The following MTMR10 variants were observed in gnomAD, a reference collection of about 807,000 sequenced individuals.
The protein encoded by MTMR10 is myotubularin-related protein 10.
In MTMR10, 56 loss-of-function variants were observed where a neutral mutation model predicts 88.1. The ratio of observed to expected loss-of-function variants is 0.64; its 90% confidence interval spans 0.51 to 0.79. The LOEUF (loss-of-function observed/expected upper bound fraction) is 0.79, where lower values mean the gene tolerates loss of function less well. MTMR10 is among the 30% of genes least tolerant of loss of function. The probability of loss-of-function intolerance (pLI) is 0.00; values close to 1 mark genes in which losing one functional copy is unlikely to be tolerated. For missense variants in MTMR10, 883 were observed against 924.7 expected (o/e 0.95, Z 0.58); for synonymous variants, 380 against 340.9 (o/e 1.11, Z -1.26).
the MTMR10 span, among the ~76,000 whole-genome samples, chr15:30,933,755 T>C: frequency 5.8e-5 from 8 of 137,978 alleles, no homozygotes; most frequent in Admixed American, 3.6e-4. Context: ...TTTCTTTTCT[T>C]TTTTTTTTTG....
chr15:30,926,675 A>C, the MTMR10 span: 1 of 985,398 alleles, frequency 1.0e-6, no homozygotes, highest in South Asian at 4.7e-5. Flanking sequence ...GTAGGCCTGA[A>C]ATGGTTAGAA....
At chr15:30,988,811 A>T (rs1360833618) in intron 2 of MTMR10, among the ~76,000 whole-genome samples, 3 of 152,070 alleles carry the variant, frequency 2.0e-5, no homozygotes, top group Non-Finnish European at 4.4e-5. Context: ...CAACATGGAG[A>T]AACCCCATTT....
chr15:30,933,748 C>CT, the MTMR10 span, among the ~76,000 whole-genome samples: 2 of 145,522 alleles, frequency 1.4e-5, no homozygotes, highest in South Asian at 2.1e-4. Flanking sequence ...TGTGGTATTT[C>CT]TTTTCTTTTT....
the MTMR10 span, chr15:30,928,619 T>A: frequency 1.4e-5 from 23 of 1,613,484 alleles, no homozygotes; most frequent in Non-Finnish European, 1.9e-5. Context: ...ATCATCTTCA[T>A]GGATGGGATT....
chr15:30,985,930 T>C (rs1236154178), intron 2 of MTMR10, among the ~76,000 whole-genome samples: 1 of 152,194 alleles, frequency 6.6e-6, no homozygotes, highest in African/African-American at 2.4e-5. Flanking sequence ...GGGTGGGTTA[T>C]TAACCTTGCT....
downstream of MTMR10, among the ~76,000 whole-genome samples, chr15:30,934,894 T>C (rs140729684): frequency 3.9e-3 from 592 of 152,380 alleles, 3 homozygotes; most frequent in African/African-American, 0.014. Context: ...ACGTGTTATA[T>C]GTTCTATAAC....
intron 11 of MTMR10, 92 bp downstream of exon 11, chr15:30,953,470 C>T (rs1037662078): frequency 1.1e-5 from 10 of 926,878 alleles, no homozygotes; most frequent in Non-Finnish European, 1.6e-5. Flanking sequence ...AGAGTAAGTA[C>T]ATGGCCCTCT....
At position 30,969,027 on chromosome 15, in the gene MTMR10, CGTTAA is replaced by C. The variant is rs371162978; in HGVS notation, c.475-1022_475-1018del. Among the ~76,000 whole-genome samples, 933 of 152,072 alleles carry C rather than the reference CGTTAA, an allele frequency of 6.1e-3. 5 individuals are homozygous for C. Among genetic ancestry groups the C allele is most frequent in the Non-Finnish European group, 0.011 (717 of 67,956 alleles). On this transcript the variant is annotated intron_variant, in intron 5 of 15. Transcript: ENST00000435680. Reference sequence around the variant, plus strand: ...ATTAAATTTTATTTAGAAGGTAAAGCGTTAAGTTAAGGCAGAATGATATACTTTTG... The same window carrying C: ...ATTAAATTTTATTTAGAAGGTAAAGCGTTAAGGCAGAATGATATACTTTTG...
downstream of MTMR10, among the ~76,000 whole-genome samples, chr15:30,935,888 TG>T (rs762367487): frequency 1.3e-5 from 2 of 152,110 alleles, no homozygotes; most frequent in Non-Finnish European, 2.9e-5. Flanking sequence ...CTATATCCCC[TG>T]ATTATACAGT....
At chr15:30,948,585 A>C in intron 12 of MTMR10, 114 bp from the exon 13 acceptor site, 1 of 1,070,208 alleles carries the variant, frequency 9.3e-7, no homozygotes, top group Non-Finnish European at 1.3e-6. Flanking sequence ...TGCCTTCCAA[A>C]TCTGTATAAG....
intron 3 of MTMR10, 67 bp downstream of exon 3, chr15:30,976,752 T>C: frequency 6.7e-7 from 1 of 1,497,986 alleles, no homozygotes; most frequent in Non-Finnish European, 9.0e-7. Context: ...CTATGTTTTA[T>C]ATAATAATAT....
In MTMR10 at chr15:30,990,799, T is replaced by A; in HGVS notation, c.99A>T (p.Lys33Asn). 1 of 1,609,682 alleles carries A rather than the reference T, an allele frequency of 6.2e-7. No individual in the cohort carries two copies. Residue 33 changes from lysine (K) to asparagine (N), a missense_variant, in exon 2 of 16, where the codon AAA (lysine) becomes AAT (asparagine). This residue lies in a region of MTMR10 where 414 missense variants were observed against 423.2 expected (regional missense o/e 0.98). Transcript: ENST00000435680. Reference sequence around the variant, plus strand: ...TACCTGGCAAAAGGACTGGCTCCAGTTTTTTAATCTTCGGTTCCGAATTGA... The same window carrying A: ...TACCTGGCAAAAGGACTGGCTCCAGATTTTTAATCTTCGGTTCCGAATTGA... The part of the protein sequence containing the change: ...DKINSEPKIK[K>N]LEPVLLPGEI...
intron 14 of MTMR10, among the ~76,000 whole-genome samples, chr15:30,945,490 GCCCAGTC>G (rs1048758399): frequency 6.6e-6 from 1 of 152,100 alleles, no homozygotes; most frequent in African/African-American, 2.4e-5. Context: ...CCCATGCACT[GCCCAGTC>G]CCCAGACCCC....
At chr15:30,982,993 A>C (rs1272406825) in intron 2 of MTMR10, among the ~76,000 whole-genome samples, 1 of 152,220 alleles carries the variant, frequency 6.6e-6, no homozygotes, top group Admixed American at 6.5e-5. Flanking sequence ...TTCACATGTT[A>C]AATTAAGTGA....
chr15:30,951,948 T>C lies in MTMR10; in HGVS notation c.1207+20A>G. The C allele has an allele frequency of 6.2e-7, 1 of 1,603,298 alleles. No individual in the cohort carries two copies. The highest frequency in any genetic ancestry group is 8.5e-7 in the Non-Finnish European group (1 of 1,170,160). The stretch of plus-strand genomic sequence containing the variant: ...GGCTGGTATGGTGGTCATGGTGCTT[T>C]CAGGAGTTACTTTAGTTACCTTGTA... On this transcript the variant is annotated intron_variant, in intron 12 of 15. Coordinates refer to ENST00000435680, the MANE Select transcript of MTMR10 (RefSeq NM_017762.3).
chr15:30,955,650 G>A (rs1011252535), intron 9 of MTMR10, among the ~76,000 whole-genome samples: 2 of 152,150 alleles, frequency 1.3e-5, no homozygotes, highest in Non-Finnish European at 2.9e-5. Context: ...CTGCCAAGGG[G>A]GGGGCGGGGC....
At chr15:30,929,939 TATA>T in the MTMR10 span, among the ~76,000 whole-genome samples, 6 of 98,816 alleles carry the variant, frequency 6.1e-5, 1 homozygote, top group African/African-American at 3.1e-4. Context: ...ATATATAAAA[TATA>T]TAATATAATA....
chr15:30,946,993 T>C (rs1422581522), intron 14 of MTMR10, 137 bp downstream of exon 14: 5 of 1,136,622 alleles, frequency 4.4e-6, no homozygotes, highest in Non-Finnish European at 4.9e-6. Context: ...AATAATCCAT[T>C]CAGAAATTTC....
intron 5 of MTMR10, among the ~76,000 whole-genome samples, chr15:30,968,810 GGA>G (rs1395391977): frequency 6.6e-6 from 1 of 152,170 alleles, no homozygotes; most frequent in African/African-American, 2.4e-5. Flanking sequence ...GGCCTTTGGA[GGA>G]GCTCCATATA....
Sources: allele counts gnomAD v4.1 joint callset (sites outside exome capture counted in the v4.1 genomes callset), GRCh38; gene constraint gnomAD v4.1.1; regional missense constraint gnomAD v4.1.1; transcripts MANE v1.5; gene names NCBI Gene and HGNC (gene_info 2026-07-23, HGNC 2026-07-21).